ZNF532: variants seen among roughly 807,000 people sequenced by gnomAD.
The protein encoded by ZNF532 is zinc finger protein 532.
Under a neutral mutation model 89.3 loss-of-function variants are expected in ZNF532, and 22 were observed. That is an observed-to-expected ratio of 0.25 (90% confidence interval 0.18 to 0.35). The LOEUF is 0.35. ZNF532 is among the 10% of genes least tolerant of loss of function. The probability of loss-of-function intolerance (pLI) is 1.00; values close to 1 mark genes in which losing one functional copy is unlikely to be tolerated. For missense variants in ZNF532, 1,132 were observed against 1,643.4 expected (o/e 0.69, Z 5.38); for synonymous variants, 606 against 649.6 (o/e 0.93, Z 1.02).
intron 7 of ZNF532, among the ~76,000 whole-genome samples, chr18:58,971,615 G>GT (rs946675238): frequency 1.3e-5 from 2 of 152,192 alleles, no homozygotes; most frequent in African/African-American, 4.8e-5. Context: ...TTGGTCGACT[G>GT]TTTTACCTAT....
intron 7 of ZNF532, among the ~76,000 whole-genome samples, chr18:58,975,790 T>TAAAA (rs2066984441): frequency 6.6e-6 from 1 of 152,268 alleles, no homozygotes; most frequent in Admixed American, 6.5e-5. Context: ...GTTCACTATT[T>TAAAA]CTTTAAAGAG....
In ZNF532 at chr18:58,926,659, A is replaced by G. The variant is rs1052174904; in HGVS notation, c.2346+6026A>G. ...CACTGTACCCGGCCTTGTAGTTTTCATCATATAAGTCCTGTGCATGTTTTG... is the reference window on the plus strand; with the variant it reads ...CACTGTACCCGGCCTTGTAGTTTTCGTCATATAAGTCCTGTGCATGTTTTG... On this transcript the variant is annotated intron_variant, in intron 3 of 9. Transcript: ENST00000591808. Among the ~76,000 whole-genome samples the G allele has an allele frequency of 5.9e-5, 9 of 152,294 alleles. No individual in the cohort carries two copies. The South Asian group carries it at 1.7e-3, about 28-fold the overall frequency.
chr18:58,924,149 C>T (rs576398016), intron 3 of ZNF532, among the ~76,000 whole-genome samples: 7 of 152,328 alleles, frequency 4.6e-5, no homozygotes, highest in Middle Eastern at 3.4e-3. Flanking sequence ...GATCCACCCC[C>T]GCCCGGCTAG....
At chr18:58,903,681 G>C (rs1300913167) in intron 2 of ZNF532, among the ~76,000 whole-genome samples, 1 of 152,180 alleles carries the variant, frequency 6.6e-6, no homozygotes, top group Non-Finnish European at 1.5e-5. Flanking sequence ...GTCTGATATT[G>C]AGTAAGAGAT....
At chr18:58,921,091 T>TA (rs890622149) in intron 3 of ZNF532, among the ~76,000 whole-genome samples, 94 of 148,414 alleles carry the variant, frequency 6.3e-4, no homozygotes, top group South Asian at 1.7e-3. Flanking sequence ...CATATCTCTT[T>TA]AAAAAAAAAA....
At chr18:58,885,765 A>G (rs1204132187) in intron 2 of ZNF532, among the ~76,000 whole-genome samples, 1 of 151,664 alleles carries the variant, frequency 6.6e-6, no homozygotes, top group Non-Finnish European at 1.5e-5. Context: ...GAGGCAGGAG[A>G]ATCACTGGAA....
chr18:58,868,223 G>A (rs892584846), intron 2 of ZNF532, among the ~76,000 whole-genome samples: 34 of 152,268 alleles, frequency 2.2e-4, no homozygotes, highest in African/African-American at 7.9e-4. Context: ...AGGACCATCA[G>A]AACAAGAACT....
In ZNF532 at chr18:58,984,198, C is replaced by A; in HGVS notation, c.3638C>A (p.Thr1213Lys). Reference protein sequence around the residue: ...YQCRECGLCYTSHVSLSRHLF... With the variant: ...YQCRECGLCYKSHVSLSRHLF... Reference sequence around the variant, plus strand: ...TGCCGGGAGTGTGGCCTCTGCTACACGTCTCACGTCTCTCTGTCCAGGCAC... The same window carrying A: ...TGCCGGGAGTGTGGCCTCTGCTACAAGTCTCACGTCTCTCTGTCCAGGCAC... Residue 1213 changes from threonine (T) to lysine (K), a missense_variant, in exon 10 of 10, where the codon ACG (threonine) becomes AAG (lysine). By Grantham distance (78) the Thr-to-Lys change is moderately conservative (BLOSUM62 -1). Transcript: ENST00000591808. 6.2e-7 allele frequency: 1 copy of A among 1,611,904 alleles called. No homozygotes were observed. Among genetic ancestry groups the A allele is most frequent in the Non-Finnish European group, 8.5e-7 (1 of 1,179,854 alleles).
chr18:58,941,456 TTC>T (rs1296122413), intron 5 of ZNF532, among the ~76,000 whole-genome samples: 4 of 148,010 alleles, frequency 2.7e-5, no homozygotes, highest in Non-Finnish European at 4.5e-5. Flanking sequence ...GTGGTTTCTT[TTC>T]TCTCTCTCTC....
Position 58,948,047 on chromosome 18 carries a change from G to A in ZNF532, c.2706-20G>A. 2 of 1,597,782 alleles carry A rather than the reference G, an allele frequency of 1.3e-6. No individual in the cohort carries two copies. The highest frequency in any genetic ancestry group is 1.1e-5 in the South Asian group (1 of 87,854). On this transcript the variant is annotated intron_variant, in intron 5 of 9. Transcript: ENST00000591808. ...TAAAGAGGCTGACTGACATGATCTC[G>A]CTGCACTCTTCTATTTTAGAATAAT...
At chr18:58,978,923 T>A in intron 7 of ZNF532, 132 bp from the exon 8 acceptor site, 1 of 681,586 alleles carries the variant, frequency 1.5e-6, no homozygotes, top group Admixed American at 2.2e-5. Flanking sequence ...ATGTGTAGTG[T>A]CATGTCAACC....
chr18:58,888,634 C>G (rs1233617737), intron 2 of ZNF532, among the ~76,000 whole-genome samples: 8 of 136,350 alleles, frequency 5.9e-5, no homozygotes, highest in South Asian at 2.2e-4. Flanking sequence ...CAAGATCACA[C>G]CATTGCACTC....
rs1279798493 is a variant in ZNF532 at position 58,983,962 on chromosome 18, T to A, written c.3412-10T>A. The A allele has an allele frequency of 6.3e-7, 1 of 1,596,320 alleles. No individual in the cohort carries two copies. Among genetic ancestry groups the A allele is most frequent in the Non-Finnish European group, 8.5e-7 (1 of 1,171,368 alleles). ...TTTCAGTCGTGTCATTTGCTTTCTT[T>A]CCCTGAAAGGTCCCCAGTCCCAAGC... On this transcript the variant is annotated splice_polypyrimidine_tract_variant and intron_variant, in intron 9 of 9. Transcript: ENST00000591808.
At chr18:58,947,331 A>G (rs985523186) in intron 5 of ZNF532, among the ~76,000 whole-genome samples, 2 of 152,166 alleles carry the variant, frequency 1.3e-5, no homozygotes, top group Non-Finnish European at 2.9e-5. Context: ...GAGAGTGTGG[A>G]TGGGCAGGAG....
intron 2 of ZNF532, among the ~76,000 whole-genome samples, chr18:58,871,970 C>A (rs2057022486): frequency 6.6e-6 from 1 of 152,130 alleles, no homozygotes; most frequent in African/African-American, 2.4e-5. Context: ...ATCTTTTGTT[C>A]CAACAATAAA....
intron 3 of ZNF532, among the ~76,000 whole-genome samples, chr18:58,922,507 C>A (rs983711708): frequency 1.3e-5 from 2 of 152,192 alleles, no homozygotes; most frequent in Non-Finnish European, 2.9e-5. Context: ...AATAGGAAAG[C>A]AGCAACTTAG....
rs114100807 is a variant in ZNF532, at chr18:58,911,103, T to A, written c.-17-7168T>A. Among the ~76,000 whole-genome samples, 476 of 152,280 alleles carry A rather than the reference T, an allele frequency of 3.1e-3. 3 individuals carry two copies. Among genetic ancestry groups the A allele is most frequent in the African/African-American group, 9.9e-3 (410 of 41,570 alleles). ...GATTGTCAGAGTGCTGGGGAGATAC[T>A]GGGAGGAGCAGGATATGTCCCAGTA... On this transcript the variant is annotated intron_variant, in intron 2 of 9. Coordinates refer to ENST00000591808, the MANE Select transcript of ZNF532 (RefSeq NM_001375912.1).
chr18:58,889,284 C>CT (rs1177697958), intron 2 of ZNF532, among the ~76,000 whole-genome samples: 17 of 152,226 alleles, frequency 1.1e-4, no homozygotes, highest in Admixed American at 4.6e-4. Context: ...TAAACCCTCC[C>CT]TGGGCACTTC....
chr18:58,954,719 T>TG (rs1179032377), intron 7 of ZNF532, among the ~76,000 whole-genome samples: 43 of 140,364 alleles, frequency 3.1e-4, no homozygotes, highest in South Asian at 1.4e-3. Flanking sequence ...TACTTTTTTT[T>TG]TTTTTTTTTT....
Sources: gnomAD v4.1 joint callset for allele counts (sites outside exome capture counted in the v4.1 genomes callset) on GRCh38, gnomAD v4.1.1 for gene constraint, MANE v1.5 for transcripts, NCBI Gene and HGNC (gene_info 2026-07-23, HGNC 2026-07-21) for gene names.